The following NRXN3 variants were observed in gnomAD, a reference collection of about 807,000 sequenced individuals.
NRXN3 encodes the protein neurexin III.
In NRXN3, 32 loss-of-function variants were observed where a neutral mutation model predicts 137.6. The observed-to-expected ratio is 0.23, with a 90% CI of 0.18 to 0.31. The LOEUF (loss-of-function observed/expected upper bound fraction) is 0.31. Ranked by LOEUF, NRXN3 falls within the 10% of genes least tolerant of loss-of-function variation. The pLI is 1.00. For synonymous variants in NRXN3, 798 were observed against 784.5 expected, an observed-to-expected ratio of 1.02 and a Z score of -0.29; for missense variants, 1,574 against 2,062.5, an observed-to-expected ratio of 0.76 and a Z score of 4.59.
At chr14:78,456,675 G>C (rs2094711743) in intron 4 of NRXN3, among the ~76,000 whole-genome samples, 2 of 151,448 alleles carry the variant, frequency 1.3e-5, no homozygotes, top group South Asian at 2.1e-4. Context: ...TTCTTATTCT[G>C]TTCCTTATCC....
chr14:79,216,829 G>A (rs191152304), intron 15 of NRXN3, among the ~76,000 whole-genome samples: 111 of 152,204 alleles, frequency 7.3e-4, no homozygotes, highest in Non-Finnish European at 1.2e-3. Flanking sequence ...CCTGAGGCTC[G>A]ATAATTTATA....
At chr14:79,574,977 G>A (rs996273604) in intron 16 of NRXN3, among the ~76,000 whole-genome samples, 6 of 151,946 alleles carry the variant, frequency 3.9e-5, no homozygotes, top group Admixed American at 6.6e-5. Flanking sequence ...TATACAGCAC[G>A]TGTCACCACT....
intron 1 of NRXN3, among the ~76,000 whole-genome samples, chr14:78,192,107 T>TGTGTGTGTGTGTGTGA (rs796435942): frequency 7.1e-6 from 1 of 140,426 alleles, no homozygotes; most frequent in Non-Finnish European, 1.6e-5. Flanking sequence ...TGTGTGTGTG[T>TGTGTGTGTGTGTGTGA]GAGAGAGAGA....
At chr14:79,632,473 A>G (rs910040645) in intron 16 of NRXN3, 1 of 152,272 alleles carries the variant, frequency 6.6e-6, no homozygotes, top group African/African-American at 2.4e-5. Context: ...AGAAGGCTCT[A>G]ACGTGGAAAC....
At chr14:78,955,002 T>C (rs2099394271) in intron 10 of NRXN3, among the ~76,000 whole-genome samples, 1 of 152,152 alleles carries the variant, frequency 6.6e-6, no homozygotes, top group African/African-American at 2.4e-5. Context: ...CAAACTACTA[T>C]GTTTGTGTTA....
chr14:79,755,818 A>C (rs550735242), intron 19 of NRXN3, among the ~76,000 whole-genome samples: 3 of 152,270 alleles, frequency 2.0e-5, no homozygotes, highest in Non-Finnish European at 4.4e-5. Context: ...ATTTTAATGA[A>C]CTTTATTATA....
intron 10 of NRXN3, among the ~76,000 whole-genome samples, chr14:78,951,855 A>G (rs1422901613): frequency 1.3e-5 from 2 of 152,168 alleles, no homozygotes; most frequent in African/African-American, 4.8e-5. Flanking sequence ...TTCTATTAAT[A>G]CCCTGGGAGG....
At chr14:79,216,807 T>C (rs1053149014) in intron 15 of NRXN3, among the ~76,000 whole-genome samples, 21 of 152,286 alleles carry the variant, frequency 1.4e-4, no homozygotes, top group African/African-American at 4.3e-4. Context: ...TTTGTGACCC[T>C]ATAAAGGAAC....
At chr14:78,620,734 T>C (rs2097395713) in intron 4 of NRXN3, among the ~76,000 whole-genome samples, 1 of 152,232 alleles carries the variant, frequency 6.6e-6, no homozygotes. Flanking sequence ...CTGGCATGCT[T>C]TCCATGTATA....
At chr14:78,184,707 C>G (rs2060084294) in intron 1 of NRXN3, among the ~76,000 whole-genome samples, 1 of 152,232 alleles carries the variant, frequency 6.6e-6, no homozygotes, top group Non-Finnish European at 1.5e-5. Flanking sequence ...ATGGCTAGCT[C>G]ACCTCCAGCG....
intron 16 of NRXN3, among the ~76,000 whole-genome samples, chr14:79,507,021 T>G (rs959519259): frequency 9.2e-5 from 14 of 152,142 alleles, no homozygotes; most frequent in African/African-American, 3.1e-4. Flanking sequence ...ATATTAAAGG[T>G]TCAGGGCATC....
At chr14:79,819,343 C>T (rs2099263242) in intron 20 of NRXN3, among the ~76,000 whole-genome samples, 1 of 152,022 alleles carries the variant, frequency 6.6e-6, no homozygotes. Flanking sequence ...AGAGAAGTCC[C>T]ATAGGTTAAA....
intron 4 of NRXN3, among the ~76,000 whole-genome samples, chr14:78,424,458 A>C (rs1287715246): frequency 6.6e-6 from 1 of 152,190 alleles, no homozygotes; most frequent in Non-Finnish European, 1.5e-5. Context: ...AACAAAGCAA[A>C]ATATTTAAGT....
At position 79,178,794 on chromosome 14, in the gene NRXN3, A is replaced by G. The variant is rs983883494; in HGVS notation, c.3262+190653A>G. Among the ~76,000 whole-genome samples, 3 of 152,220 alleles carry G rather than the reference A, an allele frequency of 2.0e-5. No individual in the cohort carries two copies. In the East Asian group the frequency reaches 5.8e-4, roughly 29 times the overall value. ...ACATACATATTTTGACTTCAGTACC[A>G]TACCAGATACTGGAAACCAAGTGAT... On this transcript the variant is annotated intron_variant, in intron 15 of 20. Coordinates refer to ENST00000335750, the MANE Select transcript of NRXN3 (RefSeq NM_001330195.2).
chr14:79,450,073 T>C (rs1198956757), intron 15 of NRXN3, among the ~76,000 whole-genome samples: 11 of 151,858 alleles, frequency 7.2e-5, no homozygotes, highest in Non-Finnish European at 1.5e-5. Context: ...TGTATACATA[T>C]TCTCTTTCTC....
At chr14:79,328,461 T>C (rs1396551882) in intron 15 of NRXN3, among the ~76,000 whole-genome samples, 2 of 152,220 alleles carry the variant, frequency 1.3e-5, no homozygotes, top group African/African-American at 4.8e-5. Context: ...TTTTGGAGGC[T>C]GATTACATAA....
At chr14:78,953,779 TAC>T (rs1196123572) in intron 10 of NRXN3, among the ~76,000 whole-genome samples, 1 of 152,198 alleles carries the variant, frequency 6.6e-6, no homozygotes, top group African/African-American at 2.4e-5. Context: ...CAATATTTAT[TAC>T]TTAAACTATA....
intron 19 of NRXN3, among the ~76,000 whole-genome samples, chr14:79,740,475 C>T (rs964761852): frequency 2.0e-5 from 3 of 151,704 alleles, no homozygotes; most frequent in African/African-American, 7.3e-5. Flanking sequence ...TCAACCGTCT[C>T]TCTGGATACA....
intron 16 of NRXN3, among the ~76,000 whole-genome samples, chr14:79,601,377 A>G (rs1187619829): frequency 2.0e-5 from 3 of 152,056 alleles, no homozygotes; most frequent in South Asian, 2.1e-4. Context: ...AAGAATCTCC[A>G]AGCTATCTAT....
Sources: gnomAD v4.1 joint callset for allele counts (sites outside exome capture counted in the v4.1 genomes callset) on GRCh38, gnomAD v4.1.1 for gene constraint, MANE v1.5 for transcripts, NCBI Gene and HGNC (gene_info 2026-07-23, HGNC 2026-07-21) for gene names.